Variants in CPSF2 observed in about 807,000 individuals in gnomAD.
CPSF2 encodes cleavage and polyadenylation specificity factor subunit 2.
CPSF2 carries 51 observed loss-of-function variants against 84.2 expected under a neutral mutation model. That is an observed-to-expected ratio of 0.61 (90% CI 0.48 to 0.77). The LOEUF (loss-of-function observed/expected upper bound fraction) is 0.77. Among genes scored for constraint, CPSF2 ranks in the 30% least tolerant of loss-of-function variants. The probability of loss-of-function intolerance (pLI) is 0.00; values close to 1 mark genes in which losing one functional copy is unlikely to be tolerated. For synonymous variants in CPSF2, 286 were observed against 311.9 expected (o/e 0.92, Z 0.87); for missense variants, 641 against 929.4 (o/e 0.69, Z 4.03).
intron 9 of CPSF2, among the ~76,000 whole-genome samples, chr14:92,144,112 T>C (rs547834728): frequency 2.0e-5 from 3 of 152,334 alleles, no homozygotes; most frequent in Admixed American, 2.0e-4. Flanking sequence ...CCTTCAGACC[T>C]GCTGATATGC....
At chr14:92,131,447 G>A (rs950129564) in intron 3 of CPSF2, among the ~76,000 whole-genome samples, 1 of 152,172 alleles carries the variant, frequency 6.6e-6, no homozygotes. Flanking sequence ...TGAAAGTTCT[G>A]TGGTCAGATC....
At chr14:92,144,065 A>G (rs1048834151) in intron 9 of CPSF2, among the ~76,000 whole-genome samples, 2 of 152,134 alleles carry the variant, frequency 1.3e-5, no homozygotes, top group African/African-American at 4.8e-5. Flanking sequence ...TCTGTATTGC[A>G]GCTTCCTAGC....
chr14:92,132,969 T>C (rs2068952314), intron 3 of CPSF2, among the ~76,000 whole-genome samples: 1 of 151,800 alleles, frequency 6.6e-6, no homozygotes, highest in South Asian at 2.1e-4. Flanking sequence ...TAGACACCTG[T>C]AATCCCAGCT....
chr14:92,124,655 A>G (rs1445888929), intron 1 of CPSF2, among the ~76,000 whole-genome samples: 1 of 152,206 alleles, frequency 6.6e-6, no homozygotes, highest in Non-Finnish European at 1.5e-5. Flanking sequence ...CTGTTATGGT[A>G]GTCACTAGCC....
intron 2 of CPSF2, among the ~76,000 whole-genome samples, chr14:92,127,401 T>TA (rs1233484593): frequency 1.3e-5 from 2 of 152,190 alleles, no homozygotes; most frequent in Non-Finnish European, 2.9e-5. Context: ...AATGAGTTGT[T>TA]ATGAAAGTAT....
At position 92,169,527 on chromosome 14, in the gene CPSF2, A is replaced by T. The variant is rs188193916; in HGVS notation, c.*7783A>T. On this transcript the variant is annotated 3_prime_UTR_variant, in exon 16 of 16. Transcript: ENST00000298875. ...TAATTTCCAACTTCACCCATAGGTCATGGTATAGTTGAAATTTCATATTTA... is the reference window on the plus strand; with the variant it reads ...TAATTTCCAACTTCACCCATAGGTCTTGGTATAGTTGAAATTTCATATTTA... 8 of 152,296 alleles carry T rather than the reference A, an allele frequency of 5.3e-5. No individual in the cohort carries two copies. The East Asian group carries it at 1.5e-3, about 29-fold the overall frequency. 9.4% of individuals were successfully genotyped at this position (152,296 alleles called of 1,614,324 possible).
intron 9 of CPSF2, among the ~76,000 whole-genome samples, chr14:92,144,106 C>T (rs1036980931): frequency 6.6e-6 from 1 of 152,194 alleles, no homozygotes; most frequent in African/African-American, 2.4e-5. Flanking sequence ...TTTTTGCCTT[C>T]AGACCTGCTG....
intron 6 of CPSF2, among the ~76,000 whole-genome samples, chr14:92,137,913 A>G (rs1210588018): frequency 6.6e-6 from 1 of 152,214 alleles, no homozygotes; most frequent in Non-Finnish European, 1.5e-5. Flanking sequence ...ATACATATGT[A>G]TATCAGTACT....
At chr14:92,148,878 G>A (rs1446626051) in intron 9 of CPSF2, among the ~76,000 whole-genome samples, 2 of 151,798 alleles carry the variant, frequency 1.3e-5, no homozygotes, top group Non-Finnish European at 2.9e-5. Flanking sequence ...ATTTTCACTT[G>A]AGTCCTTCTT....
intron 9 of CPSF2, among the ~76,000 whole-genome samples, chr14:92,148,150 A>G (rs1316720149): frequency 6.6e-6 from 1 of 152,204 alleles, no homozygotes; most frequent in African/African-American, 2.4e-5. Flanking sequence ...GAATAGTTTC[A>G]GAGAGATTCC....
intron 9 of CPSF2, among the ~76,000 whole-genome samples, chr14:92,148,920 C>T (rs982522538): frequency 6.6e-6 from 1 of 152,064 alleles, no homozygotes. Flanking sequence ...GTCTACCTTA[C>T]ATAGTACCTG....
intron 6 of CPSF2, among the ~76,000 whole-genome samples, chr14:92,136,050 A>G (rs1166520966): frequency 1.3e-5 from 2 of 152,220 alleles, no homozygotes; most frequent in African/African-American, 4.8e-5. Context: ...TTACCATCTA[A>G]TATAACTGCC....
chr14:92,156,482 A>G lies in CPSF2; in HGVS notation c.1446A>G (p.Pro482=), dbSNP rs764773620. 2.4e-5 allele frequency: 38 copies of G among 1,610,206 alleles called. No individual in the cohort carries two copies. The highest frequency in any genetic ancestry group is 4.2e-6 in the Non-Finnish European group (5 of 1,178,994). The change falls in exon 12 of 16, where the codon CCA becomes CCG. Residue 482 remains proline (P), a synonymous_variant. Transcript: ENST00000298875. The part of the protein sequence containing the change: ...KWDEYGEIIK[P]EDFLVPELQA... ...TAATTAGAGACTTATTATTTAGACC[A>G]GAGGATTTCTTAGTGCCAGAGCTTC...
rs929103863 is a variant in CPSF2 at position 92,159,083 on chromosome 14, A to C, written c.1922A>C (p.Lys641Thr). 6.2e-7 allele frequency: 1 copy of C among 1,614,108 alleles called. No individual in the cohort carries two copies. The highest frequency in any genetic ancestry group is 1.1e-5 in the South Asian group (1 of 91,080). The change falls in exon 14 of 16, where the codon AAA (lysine) becomes ACA (threonine). Residue 641 changes from lysine to threonine, a missense_variant. Lys to Thr is a moderately conservative substitution (Grantham distance 78, BLOSUM62 -1). Transcript: ENST00000298875. ...IDGVLDMRVSKVDTGVILEEG... is the reference protein window; with the variant it reads ...IDGVLDMRVSTVDTGVILEEG... ...GGTGTCTTAGATATGAGAGTTTCCA[A>C]AGTGGACACAGGGGTTATTTTAGAA...
chr14:92,149,766 C>T (rs1233037473), intron 9 of CPSF2, among the ~76,000 whole-genome samples: 2 of 152,058 alleles, frequency 1.3e-5, no homozygotes, highest in Non-Finnish European at 2.9e-5. Context: ...AGTGATTCTC[C>T]TGCTTCAGCC....
chr14:92,143,431 T>C (rs1254700908), intron 9 of CPSF2, 137 bp downstream of exon 9: 1 of 683,422 alleles, frequency 1.5e-6, no homozygotes, highest in Non-Finnish European at 2.4e-6. Context: ...GAGCCAGGAG[T>C]GGTGGTGTGT....
At position 92,161,867 on chromosome 14, in the gene CPSF2, G is replaced by A. The variant is rs1204805543; in HGVS notation, c.*123G>A. 5.0e-6 allele frequency: 3 copies of A among 596,584 alleles called. No homozygotes were observed. The highest frequency in any genetic ancestry group is 5.7e-6 in the Non-Finnish European group (2 of 349,486). The allele number at this position is 596,584 out of a possible 1,614,324, so 37.0% of individuals were successfully genotyped here. ...AAGAATCTGCCAGAAAAACTTACAT[G>A]TATCAGATTTTTAAAAATATAAATA... On this transcript the variant is annotated 3_prime_UTR_variant, in exon 16 of 16. Transcript: ENST00000298875.
rs73330060 is a variant in CPSF2, at chr14:92,154,480, T to G, written c.1241+22T>G. 790 of 1,467,704 alleles carry G rather than the reference T, an allele frequency of 5.4e-4. 1 individual carries two copies. In the African/African-American group the frequency reaches 0.01, roughly 19 times the overall value. The allele number at this position is 1,467,704 out of a possible 1,614,324, so 90.9% of individuals were successfully genotyped here. A position where few individuals can be genotyped will look rare whatever the true frequency, so the allele number is the denominator to read the frequency against. ...AAGAGTGAGTCATTTTCAGACAGAT[T>G]ATAAATTTATGGATGCAATTTGAGA... On this transcript the variant is annotated intron_variant, in intron 10 of 15. Transcript: ENST00000298875.
At chr14:92,131,311 A>G (rs748113258) in intron 3 of CPSF2, among the ~76,000 whole-genome samples, 178 bp downstream of exon 3, 4 of 152,194 alleles carry the variant, frequency 2.6e-5, no homozygotes, top group Admixed American at 1.3e-4. Flanking sequence ...TGATTGACTT[A>G]TAAGCTTTGC....
Sources: gnomAD v4.1 joint callset for allele counts (sites outside exome capture counted in the v4.1 genomes callset) on GRCh38, gnomAD v4.1.1 for gene constraint, MANE v1.5 for transcripts, NCBI Gene and HGNC (gene_info 2026-07-23, HGNC 2026-07-21) for gene names.